TAFA1: variants seen among roughly 807,000 people sequenced by gnomAD.
TAFA1 encodes the protein chemokine-like protein TAFA-1.
Under a neutral mutation model 18.5 loss-of-function variants are expected in TAFA1, and 4 were observed. That is an observed-to-expected ratio of 0.22 (90% CI 0.11 to 0.49). The LOEUF is 0.49. Among genes scored for constraint, TAFA1 ranks in the 20% least tolerant of loss-of-function variants. TAFA1 has a pLI of 0.98. For missense variants in TAFA1, 147 were observed against 169.0 expected, an observed-to-expected ratio of 0.87 and a Z score of 0.72; for synonymous variants, 56 against 55.2, an observed-to-expected ratio of 1.01 and a Z score of -0.06.
intron 2 of TAFA1, among the ~76,000 whole-genome samples, chr3:68,188,539 A>AGT (rs1345904005): frequency 6.7e-6 from 1 of 149,192 alleles, no homozygotes; most frequent in East Asian, 2.0e-4. Flanking sequence ...AGAGAGAGAG[A>AGT]GAGTACCATC....
intron 3 of TAFA1, among the ~76,000 whole-genome samples, chr3:68,529,436 TAA>T (rs533214097): frequency 0.027 from 2,048 of 76,840 alleles, 18 homozygotes; most frequent in African/African-American, 0.036. Context: ...CACCATTCTC[TAA>T]AAAAAAAAAA....
At chr3:68,287,598 G>A (rs574777751) in intron 2 of TAFA1, among the ~76,000 whole-genome samples, 1 of 152,170 alleles carries the variant, frequency 6.6e-6, no homozygotes, top group East Asian at 1.9e-4. Flanking sequence ...CAGTCCTACT[G>A]ACCTCAGTTT....
chr3:68,087,137 G>C (rs1309961210), intron 2 of TAFA1, among the ~76,000 whole-genome samples: 1 of 152,110 alleles, frequency 6.6e-6, no homozygotes, highest in Non-Finnish European at 1.5e-5. Context: ...TGTTGTACAG[G>C]AATTGCATTT....
At chr3:68,492,204 A>G in intron 3 of TAFA1, among the ~76,000 whole-genome samples, 1 of 152,160 alleles carries the variant, frequency 6.6e-6, no homozygotes, top group East Asian at 1.9e-4. Context: ...ATTGCTCCAT[A>G]AAAGGATTAA....
At chr3:68,080,137 C>T (rs1207868182) in intron 2 of TAFA1, among the ~76,000 whole-genome samples, 9 of 152,154 alleles carry the variant, frequency 5.9e-5, no homozygotes, top group East Asian at 5.8e-4. Context: ...GATTGCAACC[C>T]CTGCCTTTTT....
intron 2 of TAFA1, among the ~76,000 whole-genome samples, chr3:68,171,071 C>T (rs182933439): frequency 1.4e-4 from 21 of 152,166 alleles, no homozygotes; most frequent in Admixed American, 1.3e-3. Flanking sequence ...TTTTGTTACA[C>T]GTTACATGGC....
chr3:68,543,485 C>T (rs757192229), intron 4 of TAFA1, among the ~76,000 whole-genome samples: 22 of 152,058 alleles, frequency 1.4e-4, no homozygotes, highest in Non-Finnish European at 2.8e-4. Flanking sequence ...GTTTTATTCC[C>T]TAAAACGAGG....
At chr3:68,253,493 T>C (rs146105124) in intron 2 of TAFA1, among the ~76,000 whole-genome samples, 108 of 152,298 alleles carry the variant, frequency 7.1e-4, no homozygotes, top group African/African-American at 2.5e-3. Flanking sequence ...CACTTCTTTC[T>C]ATTTCTGCAG....
At position 68,281,123 on chromosome 3, in the gene TAFA1, T is replaced by C. The variant is rs73836848; in HGVS notation, c.119-136157T>C. 2.1e-3 allele frequency among the ~76,000 whole-genome samples: 314 copies of C among 152,296 alleles called. 3 individuals carry two copies. Among genetic ancestry groups the C allele is most frequent in the African/African-American group, 7.0e-3 (293 of 41,576 alleles). ...AATATTTTACAATAAGTTATCATTT[T>C]AATTTTTTATTTACATTGTTCCTTT... On this transcript the variant is annotated intron_variant, in intron 2 of 4. Transcript: ENST00000478136.
intron 2 of TAFA1, among the ~76,000 whole-genome samples, chr3:68,299,099 G>A: frequency 6.6e-6 from 1 of 152,156 alleles, no homozygotes; most frequent in East Asian, 1.9e-4. Context: ...AGGCTGAGGT[G>A]GTCTCAGATG....
At chr3:68,129,142 G>T (rs2065508281) in intron 2 of TAFA1, among the ~76,000 whole-genome samples, 1 of 152,176 alleles carries the variant, frequency 6.6e-6, no homozygotes, top group African/African-American at 2.4e-5. Context: ...GGGGTTTGTT[G>T]TCTTCTGTCT....
At chr3:68,161,327 G>T (rs2065923164) in intron 2 of TAFA1, among the ~76,000 whole-genome samples, 1 of 152,038 alleles carries the variant, frequency 6.6e-6, no homozygotes, top group African/African-American at 2.4e-5. Context: ...TCTACCACTG[G>T]ATTTATGTTC....
chr3:68,120,798 T>A (rs1042698941), intron 2 of TAFA1, among the ~76,000 whole-genome samples: 2 of 152,160 alleles, frequency 1.3e-5, no homozygotes, highest in East Asian at 1.9e-4. Flanking sequence ...TGGTAGGGGA[T>A]CTCCTCAGGG....
intron 2 of TAFA1, among the ~76,000 whole-genome samples, chr3:68,025,579 C>G (rs1044430208): frequency 6.6e-6 from 1 of 152,090 alleles, no homozygotes; most frequent in Non-Finnish European, 1.5e-5. Context: ...CAACTTTTAC[C>G]CCCATTATCT....
chr3:68,065,015 A>T (rs1202289928), intron 2 of TAFA1, among the ~76,000 whole-genome samples: 1 of 152,106 alleles, frequency 6.6e-6, no homozygotes, highest in African/African-American at 2.4e-5. Flanking sequence ...ACCCATCAAG[A>T]AGAGCAAAAT....
intron 2 of TAFA1, among the ~76,000 whole-genome samples, chr3:68,016,313 A>AG (rs1704568935): frequency 6.6e-6 from 1 of 152,194 alleles, no homozygotes; most frequent in Non-Finnish European, 1.5e-5. Context: ...TGGTCCCATA[A>AG]AATTATAATA....
rs930575985 is a variant in TAFA1, at chr3:68,544,921, T to G, written c.*418T>G. 6.6e-6 allele frequency: 1 copy of G among 152,178 alleles called. No individual in the cohort carries two copies. The highest frequency in any genetic ancestry group is 1.5e-5 in the Non-Finnish European group (1 of 68,068). The allele number at this position is 152,178 out of a possible 1,614,324, so 9.4% of individuals were successfully genotyped here. ...CCCTTTGAGTTTTGGATGTTTTGTC[T>G]GTTTTGCTTTGTTTTGTTAGTCATT... is the stretch of plus-strand genomic sequence containing the variant. On this transcript the variant is annotated 3_prime_UTR_variant, in exon 5 of 5. Coordinates refer to ENST00000478136, the MANE Select transcript of TAFA1 (RefSeq NM_213609.4).
chr3:68,524,914 G>A (rs1223038064), intron 3 of TAFA1, among the ~76,000 whole-genome samples: 10 of 152,018 alleles, frequency 6.6e-5, no homozygotes, highest in African/African-American at 2.4e-4. Flanking sequence ...CTCGTGATCC[G>A]CCCACCTCAG....
At chr3:68,231,102 G>A (rs949489202) in intron 2 of TAFA1, among the ~76,000 whole-genome samples, 3 of 152,028 alleles carry the variant, frequency 2.0e-5, no homozygotes, top group African/African-American at 4.8e-5. Context: ...GCATGTGTAT[G>A]TTCCTGTATT....
Sources: allele counts gnomAD v4.1 joint callset (sites outside exome capture counted in the v4.1 genomes callset), GRCh38; gene constraint gnomAD v4.1.1; transcripts MANE v1.5; gene names NCBI Gene and HGNC (gene_info 2026-07-23, HGNC 2026-07-21).